The following MARCHF3 variants were observed in gnomAD, a reference collection of about 807,000 sequenced individuals.
MARCHF3 encodes membrane associated ring-CH-type finger 3.
MARCHF3 carries 13 observed loss-of-function variants against 24.2 expected under a neutral mutation model. The ratio of observed to expected loss-of-function variants is 0.54; its 90% CI spans 0.35 to 0.85. The LOEUF (loss-of-function observed/expected upper bound fraction) is 0.85, where lower values mean the gene tolerates loss of function less well. Ranked by LOEUF, MARCHF3 falls within the 40% of genes least tolerant of loss-of-function variation. The probability of loss-of-function intolerance (pLI) is 0.01; values close to 1 mark genes in which losing one functional copy is unlikely to be tolerated. For missense variants in MARCHF3, 276 were observed against 325.0 expected (o/e 0.85, Z 1.16); for synonymous variants, 144 against 137.3 (o/e 1.05, Z -0.34).
intron 1 of MARCHF3, among the ~76,000 whole-genome samples, chr5:126,936,274 C>T (rs1749644237): frequency 6.6e-6 from 1 of 152,138 alleles, no homozygotes; most frequent in African/African-American, 2.4e-5. Context: ...GGGACATAAT[C>T]AGAAATGCAA....
intron 1 of MARCHF3, among the ~76,000 whole-genome samples, chr5:127,001,368 T>A (rs1446337100): frequency 6.6e-6 from 1 of 152,248 alleles, no homozygotes; most frequent in African/African-American, 2.4e-5. Context: ...GTTCTTATTT[T>A]GTTCAAATAT....
At chr5:126,996,073 C>G (rs1028829290) in intron 1 of MARCHF3, among the ~76,000 whole-genome samples, 182 of 152,312 alleles carry the variant, frequency 1.2e-3, no homozygotes, top group African/African-American at 4.3e-3. Flanking sequence ...CAGTGAACAT[C>G]AGCTGGCATC....
At chr5:126,920,920 G>C (rs951072720) in intron 1 of MARCHF3, among the ~76,000 whole-genome samples, 1 of 151,934 alleles carries the variant, frequency 6.6e-6, no homozygotes, top group African/African-American at 2.4e-5. Context: ...CACCTGATCA[G>C]TTTATTCCAT....
At chr5:126,939,890 C>T (rs1297926003) in intron 1 of MARCHF3, among the ~76,000 whole-genome samples, 2 of 152,138 alleles carry the variant, frequency 1.3e-5, no homozygotes, top group Non-Finnish European at 2.9e-5. Context: ...TCATGACCAA[C>T]AGCACTGCAA....
chr5:126,868,850 C>G lies in MARCHF3; in HGVS notation c.*1783G>C, dbSNP rs1385157766. ...GGCAGCTGCGTGCAGCCGGTGATGT[C>G]CAGCATTTTAAAAAGGTCAATTAAG... On this transcript the variant is annotated 3_prime_UTR_variant, in exon 5 of 5. Transcript: ENST00000308660. The G allele has an allele frequency of 6.6e-6, 1 of 152,206 alleles. No homozygotes were observed. Among genetic ancestry groups the G allele is most frequent in the Non-Finnish European group, 1.5e-5 (1 of 68,092 alleles). 9.4% of individuals were successfully genotyped at this position (152,206 alleles called of 1,614,324 possible). A position where few individuals can be genotyped will look rare whatever the true frequency, so the allele number is the denominator to read the frequency against.
At chr5:126,998,045 A>T (rs1489970274) in intron 1 of MARCHF3, among the ~76,000 whole-genome samples, 1 of 151,990 alleles carries the variant, frequency 6.6e-6, no homozygotes, top group Admixed American at 6.6e-5. Flanking sequence ...ATCACTAAAA[A>T]CTCTCCTGGC....
In MARCHF3 at chr5:126,879,902, C is replaced by T. The variant is rs186780202; in HGVS notation, c.394-1508G>A. ...ACAGGGACCTAGCATTGACTGTCTG[C>T]TGATGCGTGCCCAGCAGTGCCACAC... On this transcript the variant is annotated intron_variant, in intron 3 of 4. Coordinates refer to ENST00000308660, the MANE Select transcript of MARCHF3 (RefSeq NM_178450.5). 3.7e-3 allele frequency among the ~76,000 whole-genome samples: 565 copies of T among 152,272 alleles called. 2 individuals are homozygous for T. Among genetic ancestry groups the T allele is most frequent in the Non-Finnish European group, 5.6e-3 (380 of 68,020 alleles).
chr5:126,939,772 A>C (rs953950189), intron 1 of MARCHF3, among the ~76,000 whole-genome samples: 5 of 152,278 alleles, frequency 3.3e-5, no homozygotes, highest in Admixed American at 2.0e-4. Flanking sequence ...GTTCCTGTGG[A>C]CCACTGGCCA....
intron 1 of MARCHF3, among the ~76,000 whole-genome samples, chr5:126,979,948 C>CAAAAAAAAAAA (rs757849978): frequency 3.6e-4 from 16 of 44,836 alleles, no homozygotes; most frequent in Non-Finnish European, 4.3e-4. Flanking sequence ...AACTCCATCT[C>CAAAAAAAAAAA]AAAAAAAAAA....
chr5:126,951,066 A>C (rs972844380), intron 1 of MARCHF3, among the ~76,000 whole-genome samples: 1 of 151,880 alleles, frequency 6.6e-6, no homozygotes, highest in African/African-American at 2.4e-5. Flanking sequence ...CTTCAACAAA[A>C]CTGTTTTTGT....
chr5:126,969,747 C>T (rs1750936577), intron 1 of MARCHF3, among the ~76,000 whole-genome samples: 2 of 152,134 alleles, frequency 1.3e-5, no homozygotes, highest in Non-Finnish European at 2.9e-5. Context: ...TTATAAAAAC[C>T]CAGATTCCTG....
intron 1 of MARCHF3, chr5:127,029,979 T>C (rs1426992571): frequency 1.3e-5 from 2 of 152,208 alleles, no homozygotes; most frequent in Non-Finnish European, 2.9e-5. Flanking sequence ...ACGCCGGGTC[T>C]TACCGTACCG....
At chr5:126,878,085 C>T (rs1393545085) in intron 4 of MARCHF3, 100 bp downstream of exon 4, 20 of 1,149,012 alleles carry the variant, frequency 1.7e-5, no homozygotes, top group African/African-American at 6.1e-5. Flanking sequence ...TGTTTTCTAC[C>T]GGGCAGGTGA....
At chr5:126,874,940 G>A (rs146713474) in intron 4 of MARCHF3, among the ~76,000 whole-genome samples, 2 of 152,276 alleles carry the variant, frequency 1.3e-5, no homozygotes, top group African/African-American at 2.4e-5. Flanking sequence ...TTGGGACTGG[G>A]AGTCACACTT....
chr5:126,960,295 T>C (rs1750595962), intron 1 of MARCHF3, among the ~76,000 whole-genome samples: 1 of 152,168 alleles, frequency 6.6e-6, no homozygotes, highest in Non-Finnish European at 1.5e-5. Context: ...AGTTGACACA[T>C]GATTTACTAA....
chr5:126,979,627 T>C (rs2126834986), intron 1 of MARCHF3, among the ~76,000 whole-genome samples: 1 of 152,280 alleles, frequency 6.6e-6, no homozygotes, highest in South Asian at 2.1e-4. Context: ...AGTTTTCTAA[T>C]TTTGAAATGG....
intron 1 of MARCHF3, among the ~76,000 whole-genome samples, chr5:127,000,885 C>T (rs187354757): frequency 1.3e-5 from 2 of 152,036 alleles, no homozygotes; most frequent in African/African-American, 4.8e-5. Context: ...CCAGGATGGT[C>T]TCGATCTCCT....
intron 4 of MARCHF3, among the ~76,000 whole-genome samples, chr5:126,877,344 C>T (rs1326489795): frequency 2.0e-5 from 3 of 152,112 alleles, no homozygotes; most frequent in Non-Finnish European, 2.9e-5. Context: ...AGATTAGAAA[C>T]GAGCAGGCAC....
chr5:127,022,755 A>G (rs1752849465), intron 1 of MARCHF3, among the ~76,000 whole-genome samples: 1 of 152,192 alleles, frequency 6.6e-6, no homozygotes, highest in Non-Finnish European at 1.5e-5. Context: ...TCATGACCTA[A>G]TCTGGGGTTG....
Sources: gnomAD v4.1 joint callset for allele counts (sites outside exome capture counted in the v4.1 genomes callset) on GRCh38, gnomAD v4.1.1 for gene constraint, MANE v1.5 for transcripts, NCBI Gene and HGNC (gene_info 2026-07-23, HGNC 2026-07-21) for gene names.